Variants in CCDC91 observed in about 807,000 individuals in gnomAD.
CCDC91 encodes coiled-coil domain-containing protein 91.
A neutral mutation model predicts 63.2 loss-of-function variants in CCDC91; 48 were observed. The ratio of observed to expected loss-of-function variants is 0.76; its 90% CI spans 0.60 to 0.97. The LOEUF (loss-of-function observed/expected upper bound fraction) is 0.97, where lower values mean the gene tolerates loss of function less well. Among genes scored for constraint, CCDC91 ranks in the 50% least tolerant of loss-of-function variants. The probability of loss-of-function intolerance (pLI) is 0.00; values close to 1 mark genes in which losing one functional copy is unlikely to be tolerated. For synonymous variants in CCDC91, 167 were observed against 165.8 expected, an observed-to-expected ratio of 1.01 and a Z score of -0.06; for missense variants, 500 against 494.6, an observed-to-expected ratio of 1.01 and a Z score of -0.10.
chr12:28,218,699 T>TTGTGTGTGTGTGTGTGTGTG (rs60247849), intron 1 of CCDC91, among the ~76,000 whole-genome samples: 1 of 146,528 alleles, frequency 6.8e-6, no homozygotes, highest in Non-Finnish European at 1.5e-5. Flanking sequence ...TTGCAGATGT[T>TTGTGTGTGTGTGTGTGTGTG]TGTGTGTGTG....
intron 3 of CCDC91, among the ~76,000 whole-genome samples, chr12:28,265,648 C>G (rs1947138058): frequency 6.6e-6 from 1 of 151,984 alleles, no homozygotes; most frequent in South Asian, 2.1e-4. Context: ...CCAGTAGAAT[C>G]TGTGTTACAT....
At chr12:28,300,008 T>G (rs928077304) in intron 3 of CCDC91, among the ~76,000 whole-genome samples, 2 of 151,476 alleles carry the variant, frequency 1.3e-5, no homozygotes, top group Non-Finnish European at 3.0e-5. Context: ...ATATTAGTTT[T>G]TTTTCTAAGT....
chr12:28,304,730 G>A, intron 3 of CCDC91: 1 of 1,035,678 alleles, frequency 9.7e-7, no homozygotes, highest in Non-Finnish European at 1.3e-6. Flanking sequence ...AGTTTAGAAA[G>A]TTAAAATGTA....
At position 28,375,983 on chromosome 12, in the gene CCDC91, G is replaced by C. The variant is rs138348797; in HGVS notation, c.654+13468G>C. Among the ~76,000 whole-genome samples, 632 of 151,876 alleles carry C rather than the reference G, an allele frequency of 4.2e-3. 3 individuals are homozygous for C. The highest frequency in any genetic ancestry group is 5.3e-3 in the Non-Finnish European group (361 of 67,780). On this transcript the variant is annotated intron_variant, in intron 7 of 12. Coordinates refer to ENST00000536442, the MANE Select transcript of CCDC91 (RefSeq NM_018318.5). ...ATTGATCAGGTTACTTTAATCCTTT[G>C]ATTCTCAACTTCTACAGTGCATAGT...
At chr12:28,275,552 G>A (rs1186491871) in intron 3 of CCDC91, among the ~76,000 whole-genome samples, 1 of 152,204 alleles carries the variant, frequency 6.6e-6, no homozygotes, top group African/African-American at 2.4e-5. Flanking sequence ...ACAAGGAGGG[G>A]CTGATACCAT....
intron 3 of CCDC91, among the ~76,000 whole-genome samples, chr12:28,299,482 T>C (rs577350740): frequency 1.3e-5 from 2 of 151,594 alleles, no homozygotes; most frequent in Non-Finnish European, 3.0e-5. Context: ...GCAAGTTCAT[T>C]TGTTGTTCTT....
At chr12:28,235,584 C>T (rs1944891259) in intron 1 of CCDC91, among the ~76,000 whole-genome samples, 5 of 94,384 alleles carry the variant, frequency 5.3e-5, no homozygotes, top group African/African-American at 8.2e-5. Context: ...CAGTTAATGC[C>T]GCATAGCATT....
intron 7 of CCDC91, among the ~76,000 whole-genome samples, chr12:28,363,994 A>T (rs1410015532): frequency 6.6e-6 from 1 of 151,374 alleles, no homozygotes; most frequent in East Asian, 1.9e-4. Context: ...TAGGGTATTA[A>T]AATAGTCTAC....
chr12:28,531,770 TG>T (rs1941753844), intron 12 of CCDC91, among the ~76,000 whole-genome samples: 1 of 152,206 alleles, frequency 6.6e-6, no homozygotes, highest in Non-Finnish European at 1.5e-5. Context: ...TTTAGTCAGC[TG>T]CACCATGTGC....
At chr12:28,496,965 G>T (rs1952333417) in intron 12 of CCDC91, among the ~76,000 whole-genome samples, 2 of 143,376 alleles carry the variant, frequency 1.4e-5, no homozygotes, top group Admixed American at 7.0e-5. Flanking sequence ...TATATATGTA[G>T]GATTTTTTGT....
intron 1 of CCDC91, among the ~76,000 whole-genome samples, chr12:28,195,628 C>T (rs540285882): frequency 6.6e-6 from 1 of 152,222 alleles, no homozygotes; most frequent in South Asian, 2.1e-4. Context: ...AGTCCTCCAA[C>T]TTTGTTGTTG....
chr12:28,277,388 C>T (rs1392348611), intron 3 of CCDC91, among the ~76,000 whole-genome samples: 1 of 151,888 alleles, frequency 6.6e-6, no homozygotes, highest in African/African-American at 2.4e-5. Flanking sequence ...TGACTTTTAG[C>T]TAATTCAGTT....
At chr12:28,436,267 T>A (rs1334488854) in intron 8 of CCDC91, among the ~76,000 whole-genome samples, 2 of 151,830 alleles carry the variant, frequency 1.3e-5, no homozygotes, top group Non-Finnish European at 2.9e-5. Context: ...CTTTCTCTTT[T>A]TAAATTTCTT....
At chr12:28,304,532 G>A (rs1179547251) in intron 3 of CCDC91, 1 of 412,856 alleles carries the variant, frequency 2.4e-6, no homozygotes, top group Non-Finnish European at 4.2e-6. Context: ...ATAAAAGTGT[G>A]TATAAGATAA....
chr12:28,452,739 C>T, intron 11 of CCDC91, 85 bp downstream of exon 11: 1 of 567,442 alleles, frequency 1.8e-6, no homozygotes, highest in Non-Finnish European at 2.9e-6. Flanking sequence ...TTTTATCTTA[C>T]TTAAAACAAC....
intron 1 of CCDC91, among the ~76,000 whole-genome samples, chr12:28,248,014 C>T (rs530931501): frequency 1.3e-5 from 2 of 152,268 alleles, no homozygotes; most frequent in African/African-American, 4.8e-5. Flanking sequence ...TCCTGCTGTG[C>T]AGCCTGGTTC....
intron 1 of CCDC91, among the ~76,000 whole-genome samples, chr12:28,238,494 G>A (rs1945116418): frequency 6.6e-6 from 1 of 152,102 alleles, no homozygotes; most frequent in South Asian, 2.1e-4. Context: ...TAGAGCCTTT[G>A]TAGACAGTGA....
intron 8 of CCDC91, chr12:28,412,797 A>G (rs772848899): frequency 1.2e-4 from 55 of 453,434 alleles, no homozygotes; most frequent in Non-Finnish European, 1.9e-4. Context: ...TGCTTTTAGA[A>G]TCCTGCTGAT....
chr12:28,469,208 A>G (rs1408859254), intron 11 of CCDC91, among the ~76,000 whole-genome samples: 1 of 152,070 alleles, frequency 6.6e-6, no homozygotes. Flanking sequence ...TACTGAAAAA[A>G]CTATTAGAAC....
Sources: allele counts gnomAD v4.1 joint callset (sites outside exome capture counted in the v4.1 genomes callset), GRCh38; gene constraint gnomAD v4.1.1; transcripts MANE v1.5; gene names NCBI Gene and HGNC (gene_info 2026-07-23, HGNC 2026-07-21).